CFTR: variants seen among roughly 807,000 people sequenced by gnomAD.
CFTR encodes CF transmembrane conductance regulator.
CFTR carries 181 observed loss-of-function variants against 171.6 expected under a neutral mutation model. That is an observed-to-expected ratio of 1.05 (90% confidence interval 0.93 to 1.19). The LOEUF is 1.19. Ranked by LOEUF, CFTR falls within the 50% of genes most tolerant of loss-of-function variation. The pLI, the probability that CFTR is intolerant of heterozygous loss-of-function variation, is 0.00. For missense variants in CFTR, 1,968 were observed against 1,734.7 expected (o/e 1.13, Z -2.39); for synonymous variants, 583 against 608.0 (o/e 0.96, Z 0.60).
chr7:117,651,562 A>G (rs1283922508), intron 23 of CFTR, among the ~76,000 whole-genome samples: 1 of 152,188 alleles, frequency 6.6e-6, no homozygotes, highest in Non-Finnish European at 1.5e-5. Context: ...CCTATGAGTC[A>G]TATACTCATC....
At chr7:117,497,213 AT>A in intron 1 of CFTR, among the ~76,000 whole-genome samples, 1 of 152,314 alleles carries the variant, frequency 6.6e-6, no homozygotes, top group African/African-American at 2.4e-5. Flanking sequence ...TAAGTTGGAG[AT>A]ATTACCAAGA....
At chr7:117,626,940 G>A (rs2116127355) in intron 21 of CFTR, among the ~76,000 whole-genome samples, 1 of 151,838 alleles carries the variant, frequency 6.6e-6, no homozygotes, top group East Asian at 1.9e-4. Context: ...ATTTTCCTTA[G>A]CACTAAAAAT....
chr7:117,582,756 T>G (rs1331447399), intron 11 of CFTR, among the ~76,000 whole-genome samples: 2 of 152,206 alleles, frequency 1.3e-5, no homozygotes, highest in African/African-American at 4.8e-5. Context: ...CAAGAAACTA[T>G]TAGCAATTCC....
At chr7:117,492,785 A>T (rs1458485710) in intron 1 of CFTR, among the ~76,000 whole-genome samples, 1 of 152,064 alleles carries the variant, frequency 6.6e-6, no homozygotes, top group Non-Finnish European at 1.5e-5. Flanking sequence ...GAAGTACAGG[A>T]TAGAATAGAG....
At chr7:117,649,897 T>G (rs1793062693) in intron 23 of CFTR, among the ~76,000 whole-genome samples, 1 of 152,096 alleles carries the variant, frequency 6.6e-6, no homozygotes, top group African/African-American at 2.4e-5. Flanking sequence ...GAAGTGATAT[T>G]TAATTTGAAA....
chr7:117,625,192 T>C (rs1028014316), intron 21 of CFTR, among the ~76,000 whole-genome samples: 1 of 152,154 alleles, frequency 6.6e-6, no homozygotes, highest in Admixed American at 6.5e-5. Flanking sequence ...AATCACACGT[T>C]CTTGGCTATG....
rs187809260 is a variant in CFTR, at chr7:117,636,698, T to A, written c.3718-5740T>A. On this transcript the variant is annotated intron_variant, in intron 22 of 26. Coordinates refer to ENST00000003084, the MANE Select transcript of CFTR (RefSeq NM_000492.4). ...ATGAGTCCATCAAAGGCATTTTACA[T>A]TTTTATTACAGAATTTTTGACCTAT... 2.6e-5 allele frequency among the ~76,000 whole-genome samples: 4 copies of A among 152,288 alleles called. No homozygotes were observed. In the East Asian group the frequency reaches 7.7e-4, roughly 29 times the overall value.
At position 117,590,426 on chromosome 7, in the gene CFTR, G is replaced by T. The variant is rs397508296; in HGVS notation, c.1753G>T (p.Glu585Ter). ...FGYLDVLTEK[E>*]IFESCVCKLM... ...ATACCTAGATGTTTTAACAGAAAAA[G>T]AAATATTTGAAAGGTATGTTCTTTG... Residue 585 changes from glutamate to a stop codon, truncating the protein, a stop_gained, in exon 13 of 27, where the codon GAA becomes TAA. Coordinates refer to ENST00000003084, the MANE Select transcript of CFTR (RefSeq NM_000492.4). LOFTEE classifies it high-confidence loss of function. The T allele has an allele frequency of 2.0e-5, 32 of 1,601,240 alleles. No homozygotes were observed. The highest frequency in any genetic ancestry group is 4.4e-5 in the South Asian group (4 of 90,870).
At chr7:117,551,106 A>T (rs1362004335) in intron 10 of CFTR, among the ~76,000 whole-genome samples, 1 of 152,200 alleles carries the variant, frequency 6.6e-6, no homozygotes, top group Non-Finnish European at 1.5e-5. Flanking sequence ...GTTTGCAGAG[A>T]TCTTATGTAA....
chr7:117,627,845 A>T (rs1260333330), intron 22 of CFTR, 75 bp downstream of exon 22: 1 of 1,424,404 alleles, frequency 7.0e-7, no homozygotes. Flanking sequence ...GCAATGTGTT[A>T]GCAGAATCTA....
chr7:117,488,802 C>A (rs1236864210), intron 1 of CFTR, among the ~76,000 whole-genome samples: 1 of 151,936 alleles, frequency 6.6e-6, no homozygotes, highest in Non-Finnish European at 1.5e-5. Context: ...TTTTCTTGAT[C>A]CTACATGGTT....
At chr7:117,611,829 TTAGC>T (rs1210308015) in intron 20 of CFTR, 21 bp downstream of exon 20, 3 of 1,555,350 alleles carry the variant, frequency 1.9e-6, no homozygotes, top group East Asian at 2.2e-5. Flanking sequence ...CTCATTAACT[TTAGC>T]TAAGCATTTA....
rs397508708 is a variant in CFTR at position 117,666,941 on chromosome 7, T to C, written c.4276T>C (p.Ser1426Pro). Reference protein sequence around the residue: ...IEENKVRQYDSIQKLLNERSL... With the variant: ...IEENKVRQYDPIQKLLNERSL... ...AGAGAACAAAGTGCGGCAGTACGAT[T>C]CCATCCAGAAACTGCTGAACGAGAG... Residue 1426 changes from serine to proline, a missense_variant, in exon 27 of 27, where the codon TCC becomes CCC. Coordinates refer to ENST00000003084, the MANE Select transcript of CFTR (RefSeq NM_000492.4). 12 of 1,613,914 alleles carry C rather than the reference T, an allele frequency of 7.4e-6. No homozygotes were observed. Among genetic ancestry groups the C allele is most frequent in the Middle Eastern group, 1.6e-4 (1 of 6,080 alleles).
intron 2 of CFTR, 94 bp downstream of exon 2, chr7:117,504,457 A>G (rs1278927870): frequency 2.7e-6 from 2 of 751,878 alleles, no homozygotes; most frequent in African/African-American, 1.8e-5. Context: ...TTTAATTCTT[A>G]TATTTAAAAA....
chr7:117,587,829 G>A lies in CFTR; in HGVS notation c.1675G>A (p.Ala559Thr), dbSNP rs75549581. 32 of 1,576,110 alleles carry A rather than the reference G, an allele frequency of 2.0e-5. No homozygotes were observed. In the African/African-American group the frequency reaches 3.6e-4, roughly 18 times the overall value. Reference sequence around the variant, plus strand: ...AGGTCAACGAGCAAGAATTTCTTTAGCAAGGTGAATAACTAATTATTGGTC... The same window carrying A: ...AGGTCAACGAGCAAGAATTTCTTTAACAAGGTGAATAACTAATTATTGGTC... ...SGGQRARISL[A>T]RAVYKDADLY... The change falls in exon 12 of 27, where the codon GCA becomes ACA. Residue 559 changes from alanine (A) to threonine (T), a missense_variant. Ala to Thr is a moderately conservative substitution (Grantham distance 58, BLOSUM62 0). Transcript: ENST00000003084.
At chr7:117,648,696 G>A (rs1332959412) in intron 23 of CFTR, among the ~76,000 whole-genome samples, 2 of 152,104 alleles carry the variant, frequency 1.3e-5, no homozygotes, top group Non-Finnish European at 2.9e-5. Context: ...TTGTAAACCA[G>A]AGAAAAGGAC....
At chr7:117,627,979 TA>T (rs1474863368) in intron 22 of CFTR, 7 of 511,108 alleles carry the variant, frequency 1.4e-5, no homozygotes, top group African/African-American at 1.3e-4. Context: ...GGGTTTATTT[TA>T]AATGTGATTG....
At position 117,559,202 on chromosome 7, in the gene CFTR, C is replaced by G. The variant is rs528321703; in HGVS notation, c.1393-262C>G. ...CTTCCTCCAAACCTATTCCAACTAT[C>G]TGAATCATGTGCCCCTTCTCTGTGA... On this transcript the variant is annotated intron_variant, in intron 10 of 26. Transcript: ENST00000003084. Among the ~76,000 whole-genome samples the G allele has an allele frequency of 3.2e-4, 49 of 152,314 alleles. No homozygotes were observed. The South Asian group carries it at 0.01, about 32-fold the overall frequency.
At chr7:117,615,192 T>C (rs1792466589) in intron 21 of CFTR, among the ~76,000 whole-genome samples, 2 of 152,100 alleles carry the variant, frequency 1.3e-5, no homozygotes, top group South Asian at 4.1e-4. Flanking sequence ...TGCTGTTCTC[T>C]TACATTAATT....
Sources: allele counts gnomAD v4.1 joint callset (sites outside exome capture counted in the v4.1 genomes callset), GRCh38; gene constraint gnomAD v4.1.1; transcripts MANE v1.5; gene names NCBI Gene and HGNC (gene_info 2026-07-23, HGNC 2026-07-21).